IGSF3: variants seen among roughly 807,000 people sequenced by gnomAD.
IGSF3 encodes immunoglobulin superfamily member 3.
Under a neutral mutation model 114.4 loss-of-function variants are expected in IGSF3, and 23 were observed. That is an observed-to-expected ratio of 0.20 (90% CI 0.14 to 0.28). The LOEUF (loss-of-function observed/expected upper bound fraction) is 0.28, where lower values mean the gene tolerates loss of function less well. IGSF3 is among the 10% of genes least tolerant of loss of function. The pLI is 1.00. For missense variants in IGSF3, 1,172 were observed against 1,591.5 expected (o/e 0.74, Z 4.48); for synonymous variants, 571 against 645.2 (o/e 0.88, Z 1.74).
In IGSF3 at chr1:116,667,048, G is replaced by C. The variant is rs1012368257; in HGVS notation, c.-630-92C>G. The C allele has an allele frequency of 3.1e-5, 12 of 391,874 alleles. No individual in the cohort carries two copies. In the East Asian group the frequency reaches 4.4e-4, roughly 14 times the overall value. The allele number at this position is 391,874 out of a possible 1,614,324, so 24.3% of individuals were successfully genotyped here. On this transcript the variant is annotated intron_variant, in intron 1 of 10. Transcript: ENST00000369486. ...GAGCTGGTCCGGACACCTGGGTCCGGTTCCTGGACCAGGACAGTCAACCTC... is the reference window on the plus strand; with the variant it reads ...GAGCTGGTCCGGACACCTGGGTCCGCTTCCTGGACCAGGACAGTCAACCTC...
chr1:116,614,275 C>T lies in IGSF3; in HGVS notation c.422-100G>A, dbSNP rs1437796825. 1.3e-4 allele frequency: 115 copies of T among 914,254 alleles called. No individual in the cohort carries two copies. The East Asian group carries it at 1.8e-3, about 14-fold the overall frequency. 56.6% of individuals were successfully genotyped at this position (914,254 alleles called of 1,614,324 possible). ...TCCACGCAGGCGTCACTGCACTGCGCCCCTAACAGTCATCCTTGAACCATC... is the reference window on the plus strand; with the variant it reads ...TCCACGCAGGCGTCACTGCACTGCGTCCCTAACAGTCATCCTTGAACCATC... On this transcript the variant is annotated intron_variant, in intron 3 of 10. Coordinates refer to ENST00000369486, the MANE Select transcript of IGSF3 (RefSeq NM_001007237.3). The surrounding 1 kb of genome is among the most constrained non-coding windows in gnomAD (Gnocchi z 4.5).
chr1:116,588,831 G>A lies in IGSF3; in HGVS notation c.2303C>T (p.Thr768Ile). The A allele has an allele frequency of 1.2e-6, 2 of 1,614,226 alleles. No individual in the cohort carries two copies. The highest frequency in any genetic ancestry group is 1.7e-6 in the Non-Finnish European group (2 of 1,180,020). The part of the protein sequence containing the change: ...RHVSGGLFSL[T>I]VQRAEVSDSG... ...GTCGCTGACCTCGGCTCTCTGGACGGTGAGGCTGAACAGGCCCCCCGACAC... is the reference window on the plus strand; with the variant it reads ...GTCGCTGACCTCGGCTCTCTGGACGATGAGGCTGAACAGGCCCCCCGACAC... Residue 768 changes from threonine (T) to isoleucine (I), a missense_variant, in exon 8 of 11, where the codon ACC (threonine) becomes ATC (isoleucine). By Grantham distance (89) the Thr-to-Ile change is moderately conservative. Coordinates refer to ENST00000369486, the MANE Select transcript of IGSF3 (RefSeq NM_001007237.3). The surrounding 1 kb of genome is among the most constrained non-coding windows in gnomAD (Gnocchi z 4.9).
Position 116,655,709 on chromosome 1 carries a change from CTT to C in IGSF3, c.43+10573_43+10574del, listed in dbSNP as rs1648818610. On this transcript the variant is annotated intron_variant, in intron 2 of 10. Transcript: ENST00000369486. This position sits in a 1 kb window ranked among gnomAD's most constrained non-coding sequence, Gnocchi z 4.3. ...TCTGGTCCATGAACAAACAAGAACA[CTT>C]AACTGAATTAGACACAAAACTAAGT... Among the ~76,000 whole-genome samples, 1 of 152,138 alleles carries C rather than the reference CTT, an allele frequency of 6.6e-6. No individual in the cohort carries two copies. Among genetic ancestry groups the C allele is most frequent in the Admixed American group, 6.5e-5 (1 of 15,280 alleles).
At position 116,616,796 on chromosome 1, in the gene IGSF3, T is replaced by C. The variant is rs1661235448; in HGVS notation, c.44-339A>G. Among the ~76,000 whole-genome samples the C allele has an allele frequency of 6.6e-6, 1 of 152,220 alleles. No homozygotes were observed. Among genetic ancestry groups the C allele is most frequent in the East Asian group, 1.9e-4 (1 of 5,200 alleles). On this transcript the variant is annotated intron_variant, in intron 2 of 10. Coordinates refer to ENST00000369486, the MANE Select transcript of IGSF3 (RefSeq NM_001007237.3). This position sits in a 1 kb window ranked among gnomAD's most constrained non-coding sequence, Gnocchi z 6.6. ...TTATTAATGCTGTGTATGAAGTTTT[T>C]AATAAAATGAGCAGGAAAAGTTGAA...
rs1456074155 is a variant in IGSF3, at chr1:116,625,623, CAG to C, written c.44-9168_44-9167del. On this transcript the variant is annotated intron_variant, in intron 2 of 10. Transcript: ENST00000369486. The surrounding 1 kb of genome is among the most constrained non-coding windows in gnomAD (Gnocchi z 4.7). ...TATCACTCTGGTGGCAGGTGGAGGA[CAG>C]AGCAGAGGGCAGGACTGGAAGCAGA... is the stretch of plus-strand genomic sequence containing the variant. Among the ~76,000 whole-genome samples, 1 of 152,174 alleles carries C rather than the reference CAG, an allele frequency of 6.6e-6. No individual in the cohort carries two copies. The highest frequency in any genetic ancestry group is 1.9e-4 in the East Asian group (1 of 5,194).
Position 116,588,734 on chromosome 1 carries a change from C to T in IGSF3, c.2400G>A (p.Glu800=), listed in dbSNP as rs1315869843. The T allele has an allele frequency of 6.2e-7, 1 of 1,612,934 alleles. No individual in the cohort carries two copies. The highest frequency in any genetic ancestry group is 1.3e-5 in the African/African-American group (1 of 74,922). ...TGACTTCTGTGCGCCCAGAAACCTCCTCTGCCAGCTTGTACCAGGCGTAGT... is the reference window on the plus strand; with the variant it reads ...TGACTTCTGTGCGCCCAGAAACCTCTTCTGCCAGCTTGTACCAGGCGTAGT... The part of the protein sequence containing the change: ...SPNYAWYKLA[E]EVSGRTEVTV... Residue 800 remains glutamate, a synonymous_variant, in exon 8 of 11, where the codon GAG becomes GAA. Coordinates refer to ENST00000369486, the MANE Select transcript of IGSF3 (RefSeq NM_001007237.3). The surrounding 1 kb of genome is among the most constrained non-coding windows in gnomAD (Gnocchi z 4.9).
Position 116,615,708 on chromosome 1 carries a change from G to T in IGSF3, c.421+372C>A, listed in dbSNP as rs1294112782. Among the ~76,000 whole-genome samples the T allele has an allele frequency of 6.6e-6, 1 of 152,170 alleles. No individual in the cohort carries two copies. Among genetic ancestry groups the T allele is most frequent in the African/African-American group, 2.4e-5 (1 of 41,448 alleles). Reference sequence around the variant, plus strand: ...CCGTGGGTCTCAGAGCTGCCCAAAGGCCTATCCTTCTGAGAGGTTTCTCCT... The same window carrying T: ...CCGTGGGTCTCAGAGCTGCCCAAAGTCCTATCCTTCTGAGAGGTTTCTCCT... On this transcript the variant is annotated intron_variant, in intron 3 of 10. Transcript: ENST00000369486. The surrounding 1 kb of genome is among the most constrained non-coding windows in gnomAD (Gnocchi z 4.3).
intron 5 of IGSF3, among the ~76,000 whole-genome samples, chr1:116,606,849 A>C (rs58483594): frequency 0.16 from 25,093 of 152,214 alleles, 2,553 homozygotes; most frequent in Non-Finnish European, 0.23. Flanking sequence ...GGGCGGAAAA[A>C]GCTAAGAAAC....
chr1:116,658,190 C>T (rs1447110864), intron 2 of IGSF3, among the ~76,000 whole-genome samples: 5 of 152,228 alleles, frequency 3.3e-5, no homozygotes, highest in South Asian at 2.1e-4. Flanking sequence ...TACAGGCACC[C>T]GCTACCACAT....
Position 116,642,459 on chromosome 1 carries a change from T to A in IGSF3, c.43+23825A>T, listed in dbSNP as rs1174831484. 6.6e-6 allele frequency among the ~76,000 whole-genome samples: 1 copy of A among 152,150 alleles called. No individual in the cohort carries two copies. Among genetic ancestry groups the A allele is most frequent in the African/African-American group, 2.4e-5 (1 of 41,432 alleles). ...CGCTTAGGGGAAGGGGCTCAGGCACTGGGAGTCGGTCAGGGCTCCCAGAAT... is the reference window on the plus strand; with the variant it reads ...CGCTTAGGGGAAGGGGCTCAGGCACAGGGAGTCGGTCAGGGCTCCCAGAAT... On this transcript the variant is annotated intron_variant, in intron 2 of 10. Transcript: ENST00000369486. The surrounding 1 kb of genome is among the most constrained non-coding windows in gnomAD (Gnocchi z 5.4).
chr1:116,575,564 A>G lies in IGSF3; in HGVS notation c.*1748T>C, dbSNP rs1659310787. ...CCTCCCCTGCAGTCTGCTCGTTCTC[A>G]GAACAGGGCTTCACTGGAATCTTTT... On this transcript the variant is annotated 3_prime_UTR_variant, in exon 11 of 11. Transcript: ENST00000369486. This position sits in a 1 kb window ranked among gnomAD's most constrained non-coding sequence, Gnocchi z 5.6. The G allele has an allele frequency of 6.6e-6, 1 of 152,256 alleles. No homozygotes were observed. 9.4% of individuals were successfully genotyped at this position (152,256 alleles called of 1,614,324 possible).
In IGSF3 at chr1:116,636,060, C is replaced by T. The variant is rs1232563167; in HGVS notation, c.44-19603G>A. Among the ~76,000 whole-genome samples, 4 of 152,284 alleles carry T rather than the reference C, an allele frequency of 2.6e-5. No homozygotes were observed. Among genetic ancestry groups the T allele is most frequent in the East Asian group, 3.9e-4 (2 of 5,168 alleles). Reference sequence around the variant, plus strand: ...CACCCTTTCCCAGTACACCTCCACTCGCCAGAACAACTGTCTTCCTCACAG... The same window carrying T: ...CACCCTTTCCCAGTACACCTCCACTTGCCAGAACAACTGTCTTCCTCACAG... On this transcript the variant is annotated intron_variant, in intron 2 of 10. Coordinates refer to ENST00000369486, the MANE Select transcript of IGSF3 (RefSeq NM_001007237.3). This position sits in a 1 kb window ranked among gnomAD's most constrained non-coding sequence, Gnocchi z 4.5.
Position 116,638,621 on chromosome 1 carries a change from A to C in IGSF3, c.44-22164T>G, listed in dbSNP as rs1172320837. Among the ~76,000 whole-genome samples the C allele has an allele frequency of 6.6e-6, 1 of 152,200 alleles. No homozygotes were observed. The highest frequency in any genetic ancestry group is 6.5e-5 in the Admixed American group (1 of 15,284). The stretch of plus-strand genomic sequence containing the variant: ...AGTCGACCAGGAGTCATTCACACCT[A>C]AAGGCTATGCTTACATCGTTTTCCA... On this transcript the variant is annotated intron_variant, in intron 2 of 10. Transcript: ENST00000369486. The surrounding 1 kb of genome is among the most constrained non-coding windows in gnomAD (Gnocchi z 4.1).
At chr1:116,581,763 C>T (rs1004268401) in intron 9 of IGSF3, among the ~76,000 whole-genome samples, 4 of 152,146 alleles carry the variant, frequency 2.6e-5, no homozygotes, top group African/African-American at 9.7e-5. Context: ...CAGAATATGG[C>T]CGGGTGGGGA....
Position 116,585,208 on chromosome 1 carries a change from C to T in IGSF3, c.2441-156G>A, listed in dbSNP as rs549796217. ...CGTTTCTCAGATGTGGCTCCCTAAA[C>T]ATTCTGAGTTCCTTGATCGTGTGTC... On this transcript the variant is annotated intron_variant, in intron 8 of 10. Coordinates refer to ENST00000369486, the MANE Select transcript of IGSF3 (RefSeq NM_001007237.3). The surrounding 1 kb of genome is among the most constrained non-coding windows in gnomAD (Gnocchi z 4.9). 6.6e-6 allele frequency among the ~76,000 whole-genome samples: 1 copy of T among 152,324 alleles called. No homozygotes were observed. Among genetic ancestry groups the T allele is most frequent in the Non-Finnish European group, 1.5e-5 (1 of 68,036 alleles).
At chr1:116,597,011 G>T (rs1157656382) in intron 7 of IGSF3, among the ~76,000 whole-genome samples, 10 of 152,164 alleles carry the variant, frequency 6.6e-5, no homozygotes. Context: ...TTCTGTAAAG[G>T]ACACGATTAA....
chr1:116,637,974 G>A (rs1438090236), intron 2 of IGSF3, among the ~76,000 whole-genome samples: 1 of 152,196 alleles, frequency 6.6e-6, no homozygotes. Context: ...GCTTAGGGAT[G>A]GGGACTGCTC....
At position 116,629,364 on chromosome 1, in the gene IGSF3, G is replaced by T. The variant is rs1385251096; in HGVS notation, c.44-12907C>A. Among the ~76,000 whole-genome samples, 2 of 152,216 alleles carry T rather than the reference G, an allele frequency of 1.3e-5. No homozygotes were observed. Among genetic ancestry groups the T allele is most frequent in the East Asian group, 3.8e-4 (2 of 5,206 alleles). ...TTAAAAAACGCTAAAGGGAGGTGGG[G>T]TAATAAGGGATTGTTTTTTCTTTGC... On this transcript the variant is annotated intron_variant, in intron 2 of 10. Coordinates refer to ENST00000369486, the MANE Select transcript of IGSF3 (RefSeq NM_001007237.3). The surrounding 1 kb of genome is among the most constrained non-coding windows in gnomAD (Gnocchi z 4.3).
rs1244531096 is a variant in IGSF3 at position 116,614,910 on chromosome 1, G to T, written c.422-735C>A. On this transcript the variant is annotated intron_variant, in intron 3 of 10. Coordinates refer to ENST00000369486, the MANE Select transcript of IGSF3 (RefSeq NM_001007237.3). This position sits in a 1 kb window ranked among gnomAD's most constrained non-coding sequence, Gnocchi z 4.5. ...AAATAGCACCACCTTTCTGTCTGAT[G>T]AGAGTACCCTAGTCACAACTAGTAT... is the stretch of plus-strand genomic sequence containing the variant. Among the ~76,000 whole-genome samples, 2 of 152,140 alleles carry T rather than the reference G, an allele frequency of 1.3e-5. No homozygotes were observed. The highest frequency in any genetic ancestry group is 4.8e-5 in the African/African-American group (2 of 41,416).
Sources: allele counts gnomAD v4.1 joint callset (sites outside exome capture counted in the v4.1 genomes callset), GRCh38; gene constraint gnomAD v4.1.1; non-coding constraint Gnocchi (gnomAD v3.1); transcripts MANE v1.5; gene names NCBI Gene and HGNC (gene_info 2026-07-23, HGNC 2026-07-21).